DDAH1: variants seen among roughly 807,000 people sequenced by gnomAD.
DDAH1 encodes N(G),N(G)-dimethylarginine dimethylaminohydrolase 1.
DDAH1 carries 19 observed loss-of-function variants against 28.8 expected under a neutral mutation model. The ratio of observed to expected loss-of-function variants is 0.66; its 90% CI spans 0.46 to 0.97. The LOEUF is 0.97. DDAH1 is among the 50% of genes least tolerant of loss of function. The probability of loss-of-function intolerance (pLI) is 0.00; values close to 1 mark genes in which losing one functional copy is unlikely to be tolerated. For missense variants in DDAH1, 326 were observed against 375.9 expected (o/e 0.87, Z 1.10); for synonymous variants, 153 against 154.4 (o/e 0.99, Z 0.07).
At chr1:85,481,958 C>A (rs1264057013) in intron 2 of DDAH1, among the ~76,000 whole-genome samples, 14 of 152,180 alleles carry the variant, frequency 9.2e-5, no homozygotes, top group Admixed American at 2.0e-4. Context: ...GTTGTCACTG[C>A]CACTGTTACT....
intron 4 of DDAH1, among the ~76,000 whole-genome samples, chr1:85,347,314 C>T (rs912212950): frequency 3.9e-5 from 6 of 152,188 alleles, no homozygotes; most frequent in Admixed American, 2.0e-4. Context: ...GACACATGCA[C>T]ACGTATGTTT....
rs180882830 is a variant in DDAH1 at position 85,366,234 on chromosome 1, T to C, written c.304-7387A>G. 3.9e-5 allele frequency among the ~76,000 whole-genome samples: 6 copies of C among 152,328 alleles called. No individual in the cohort carries two copies. In the East Asian group the frequency reaches 1.2e-3, roughly 29 times the overall value. On this transcript the variant is annotated intron_variant, in intron 1 of 5. Transcript: ENST00000284031. ...AGTCAAATAAATATTAACCCTGTGA[T>C]TATTCAGAGAACTCATGATTTTATC...
At chr1:85,556,800 T>A (rs1658983436) in intron 1 of DDAH1, among the ~76,000 whole-genome samples, 2 of 152,214 alleles carry the variant, frequency 1.3e-5, no homozygotes, top group African/African-American at 4.8e-5. Flanking sequence ...TAGAAAAGTA[T>A]TTCTATACAG....
intron 2 of DDAH1, among the ~76,000 whole-genome samples, chr1:85,485,812 A>T (rs17127805): frequency 0.24 from 36,995 of 152,106 alleles, 4,842 homozygotes; most frequent in East Asian, 0.44. Context: ...ATGTCTAAAT[A>T]GGTGGGGTTC....
chr1:85,337,868 G>C (rs1648238459), intron 4 of DDAH1, among the ~76,000 whole-genome samples: 1 of 152,170 alleles, frequency 6.6e-6, no homozygotes, highest in Admixed American at 6.5e-5. Flanking sequence ...CTCACTCAGA[G>C]CCTGCCTTCA....
intron 1 of DDAH1, among the ~76,000 whole-genome samples, chr1:85,537,615 C>CAATAGTTACTAGT (rs1255943383): frequency 1.5e-4 from 22 of 145,162 alleles, no homozygotes; most frequent in Non-Finnish European, 2.5e-4. Flanking sequence ...AATAACTGTG[C>CAATAGTTACTAGT]AATAGTTACT....
chr1:85,464,610 A>ACT lies in DDAH1; in HGVS notation c.303+131_303+132dup. 7.3e-7 allele frequency: 1 copy of ACT among 1,366,406 alleles called. No individual in the cohort carries two copies. Among genetic ancestry groups the ACT allele is most frequent in the South Asian group, 1.4e-5 (1 of 69,804 alleles). 84.6% of individuals were successfully genotyped at this position (1,366,406 alleles called of 1,614,324 possible). On this transcript the variant is annotated intron_variant, in intron 1 of 5. Transcript: ENST00000284031. The surrounding 1 kb of genome is among the most constrained non-coding windows in gnomAD (Gnocchi z 4.4). ...CTCTGACACACACACACACACACAC[A>ACT]CTCGCCCCCCGACGGGAAGTTGTGA...
At chr1:85,405,208 T>C (rs1424322082) in intron 1 of DDAH1, among the ~76,000 whole-genome samples, 1 of 152,216 alleles carries the variant, frequency 6.6e-6, no homozygotes, top group Admixed American at 6.5e-5. Context: ...ATTGGCCACA[T>C]GGGTCTATTT....
intron 4 of DDAH1, among the ~76,000 whole-genome samples, chr1:85,331,431 A>ATATATG (rs1647759768): frequency 6.6e-6 from 1 of 150,796 alleles, no homozygotes; most frequent in African/African-American, 2.4e-5. Flanking sequence ...ATGTATATAT[A>ATATATG]TATATATAAC....
intron 1 of DDAH1, among the ~76,000 whole-genome samples, chr1:85,551,824 T>A (rs1008107211): frequency 2.6e-5 from 4 of 152,216 alleles, no homozygotes; most frequent in African/African-American, 9.7e-5. Flanking sequence ...GATGATCATA[T>A]GCAAACATGT....
intron 1 of DDAH1, among the ~76,000 whole-genome samples, chr1:85,454,254 A>G (rs1349529640): frequency 1.3e-5 from 2 of 152,230 alleles, no homozygotes; most frequent in African/African-American, 4.8e-5. Flanking sequence ...AGCTTCTAGC[A>G]AATGGTGAAG....
chr1:85,459,425 T>G (rs974874), intron 1 of DDAH1, among the ~76,000 whole-genome samples: 37,601 of 152,144 alleles, frequency 0.25, 5,187 homozygotes, highest in East Asian at 0.31. Context: ...AGGAAGAGAC[T>G]ACATTATTGG....
intron 4 of DDAH1, among the ~76,000 whole-genome samples, chr1:85,341,249 T>A (rs1179788437): frequency 2.6e-5 from 4 of 152,256 alleles, no homozygotes; most frequent in African/African-American, 7.2e-5. Context: ...ATATTAATAG[T>A]TGCTGCTCAG....
At chr1:85,520,547 G>C (rs1362303214) in intron 1 of DDAH1, among the ~76,000 whole-genome samples, 8 of 152,174 alleles carry the variant, frequency 5.3e-5, no homozygotes, top group Non-Finnish European at 8.8e-5. Flanking sequence ...ACACTTATAT[G>C]CAAAGTTAAT....
At chr1:85,495,957 A>T (rs183443212) in intron 2 of DDAH1, 2 of 152,508 alleles carry the variant, frequency 1.3e-5, no homozygotes, top group Admixed American at 1.3e-4. Context: ...ACATTTTTTT[A>T]AAATACAACC....
chr1:85,451,662 C>T (rs1224152771), intron 1 of DDAH1, among the ~76,000 whole-genome samples: 1 of 152,104 alleles, frequency 6.6e-6, no homozygotes, highest in East Asian at 1.9e-4. Context: ...AGCTTAGAAG[C>T]ATGTGTCTCT....
chr1:85,555,876 T>C (rs1251857316), intron 1 of DDAH1, among the ~76,000 whole-genome samples: 1 of 152,206 alleles, frequency 6.6e-6, no homozygotes, highest in African/African-American at 2.4e-5. Context: ...AAATTCTCCA[T>C]GCTTCTTATT....
At chr1:85,452,340 A>G (rs570764922) in intron 1 of DDAH1, among the ~76,000 whole-genome samples, 35 of 152,330 alleles carry the variant, frequency 2.3e-4, no homozygotes, top group Non-Finnish European at 4.0e-4. Context: ...ATAAATAAAT[A>G]AATAAATAAA....
intron 1 of DDAH1, among the ~76,000 whole-genome samples, chr1:85,429,485 T>C (rs1653569414): frequency 6.6e-6 from 1 of 152,230 alleles, no homozygotes; most frequent in South Asian, 2.1e-4. Context: ...TATGTGTGCA[T>C]GTGTCTTTAT....
Sources: allele counts gnomAD v4.1 joint callset (sites outside exome capture counted in the v4.1 genomes callset), GRCh38; gene constraint gnomAD v4.1.1; non-coding constraint Gnocchi (gnomAD v3.1); transcripts MANE v1.5; gene names NCBI Gene and HGNC (gene_info 2026-07-23, HGNC 2026-07-21).